The following PCDHGA1 variants were observed in gnomAD, a reference collection of about 807,000 sequenced individuals.
The protein encoded by PCDHGA1 is protocadherin gamma-A1.
A neutral mutation model predicts 58.0 loss-of-function variants in PCDHGA1; 32 were observed. The ratio of observed to expected loss-of-function variants is 0.55; its 90% CI spans 0.42 to 0.74. The LOEUF is 0.74. Ranked by LOEUF, PCDHGA1 falls within the 30% of genes least tolerant of loss-of-function variation. The probability of loss-of-function intolerance (pLI) is 0.00; values close to 1 mark genes in which losing one functional copy is unlikely to be tolerated. For missense variants in PCDHGA1, 1,205 were observed against 1,182.3 expected (o/e 1.02, Z -0.28); for synonymous variants, 498 against 501.1 (o/e 0.99, Z 0.08).
chr5:141,478,179 A>C, intron 1 of PCDHGA1: 1 of 1,613,996 alleles, frequency 6.2e-7, no homozygotes, highest in Non-Finnish European at 8.5e-7. Context: ...GAGCAGAAAA[A>C]AAATCTCACC....
intron 1 of PCDHGA1, among the ~76,000 whole-genome samples, chr5:141,481,668 A>G (rs1051166504): frequency 6.6e-6 from 1 of 152,090 alleles, no homozygotes; most frequent in Admixed American, 6.6e-5. Flanking sequence ...TAATACAAAA[A>G]TCAGGCCGGG....
chr5:141,336,018 A>G (rs1383728313), intron 1 of PCDHGA1, among the ~76,000 whole-genome samples: 2 of 152,236 alleles, frequency 1.3e-5, no homozygotes, highest in Non-Finnish European at 2.9e-5. Context: ...TTTAAAATAC[A>G]TGAATTTAGC....
At position 141,363,034 on chromosome 5, in the gene PCDHGA1, A is replaced by T. The variant is rs1762782534; in HGVS notation, c.2421+29929A>T. On this transcript the variant is annotated intron_variant, in intron 1 of 3. Coordinates refer to ENST00000517417, the MANE Select transcript of PCDHGA1 (RefSeq NM_018912.3). ...GCATGGGTAGGACATTGTCCCATTG[A>T]CTTGAAGACCAACACTCAGTAAGCT... Among the ~76,000 whole-genome samples, 3 of 152,256 alleles carry T rather than the reference A, an allele frequency of 2.0e-5. No individual in the cohort carries two copies. In the South Asian group the frequency reaches 6.2e-4, roughly 31 times the overall value.
intron 3 of PCDHGA1, among the ~76,000 whole-genome samples, chr5:141,510,369 C>G (rs1403924479): frequency 7.1e-6 from 1 of 140,308 alleles, no homozygotes; most frequent in Non-Finnish European, 1.6e-5. Context: ...TACCGAATCT[C>G]TACTCGTGCC....
intron 1 of PCDHGA1, chr5:141,479,537 T>C (rs1299169562): frequency 6.6e-6 from 1 of 152,230 alleles, no homozygotes; most frequent in Non-Finnish European, 1.5e-5. Context: ...GTGGAGAAGG[T>C]CAAAACTGCT....
At chr5:141,423,318 G>T (rs1165459779) in intron 1 of PCDHGA1, 17 of 1,614,006 alleles carry the variant, frequency 1.1e-5, no homozygotes, top group South Asian at 8.8e-5. Context: ...TGGTGGTGGC[G>T]GTGGCCGCAG....
intron 1 of PCDHGA1, chr5:141,346,009 C>G: frequency 6.2e-7 from 1 of 1,613,514 alleles, no homozygotes; most frequent in Non-Finnish European, 8.5e-7. Context: ...GCCACTGTCA[C>G]GCTCACCGTG....
At position 141,508,909 on chromosome 5, in the gene PCDHGA1, G is replaced by A. The variant is rs545345992; in HGVS notation, c.2570-2038G>A. ...GAGGGGAGGGGGCGGGGCGGTGGCG[G>A]ATCTGGCTTCCTTTTGGAGTTAATT... is the stretch of plus-strand genomic sequence containing the variant. On this transcript the variant is annotated intron_variant, in intron 3 of 3. Coordinates refer to ENST00000517417, the MANE Select transcript of PCDHGA1 (RefSeq NM_018912.3). 2.0e-5 allele frequency among the ~76,000 whole-genome samples: 3 copies of A among 152,202 alleles called. No homozygotes were observed. The South Asian group carries it at 6.2e-4, about 32-fold the overall frequency.
intron 1 of PCDHGA1, chr5:141,365,864 G>C (rs753111294): frequency 2.0e-5 from 32 of 1,613,886 alleles, no homozygotes; most frequent in Non-Finnish European, 8.5e-7. Context: ...CTCTGACACC[G>C]GTGTCCTGTA....
At chr5:141,419,432 C>A (rs2096381830) in intron 1 of PCDHGA1, 1 of 1,613,160 alleles carries the variant, frequency 6.2e-7, no homozygotes, top group Non-Finnish European at 8.5e-7. Flanking sequence ...CCACGAGCAG[C>A]TGCGCACCTT....
At chr5:141,366,709 G>C in intron 1 of PCDHGA1, 4 of 1,614,228 alleles carry the variant, frequency 2.5e-6, no homozygotes, top group Non-Finnish European at 2.5e-6. Flanking sequence ...CTCTTCTGAT[G>C]TCTGATAAGG....
intron 1 of PCDHGA1, chr5:141,395,133 A>G (rs760451747): frequency 1.2e-6 from 2 of 1,614,192 alleles, no homozygotes; most frequent in Non-Finnish European, 8.5e-7. Context: ...TCCCCAGCCC[A>G]ACTACGCAGA....
intron 2 of PCDHGA1, among the ~76,000 whole-genome samples, chr5:141,497,614 A>C (rs1377740795): frequency 6.8e-6 from 1 of 146,530 alleles, no homozygotes; most frequent in African/African-American, 2.6e-5. Context: ...ATCTTGGCTC[A>C]CTGCAACCTC....
At chr5:141,404,816 C>A in intron 1 of PCDHGA1, 1 of 1,610,374 alleles carries the variant, frequency 6.2e-7, no homozygotes, top group Non-Finnish European at 8.5e-7. Flanking sequence ...GGTGGGGCTG[C>A]ACACAGGTGA....
Position 141,432,155 on chromosome 5 carries a change from C to T in PCDHGA1, c.2422-62652C>T, listed in dbSNP as rs368480052. 3.8e-5 allele frequency: 62 copies of T among 1,614,178 alleles called. No individual in the cohort carries two copies. In the African/African-American group the frequency reaches 7.1e-4, roughly 18 times the overall value. On this transcript the variant is annotated intron_variant, in intron 1 of 3. Coordinates refer to ENST00000517417, the MANE Select transcript of PCDHGA1 (RefSeq NM_018912.3). This position sits in a 1 kb window ranked among gnomAD's most constrained non-coding sequence, Gnocchi z 6.0. ...TTCCGCTTATATCCCAGAGAACAATCCCAGAGGAGTTTCCCTCGTCTCTGT... is the reference window on the plus strand; with the variant it reads ...TTCCGCTTATATCCCAGAGAACAATTCCAGAGGAGTTTCCCTCGTCTCTGT...
At position 141,346,608 on chromosome 5, in the gene PCDHGA1, A is replaced by G. The variant is rs1337557506; in HGVS notation, c.2421+13503A>G. The G allele has an allele frequency of 2.6e-5, 31 of 1,176,330 alleles. No individual in the cohort carries two copies. The East Asian group carries it at 7.7e-4, about 29-fold the overall frequency. The allele number at this position is 1,176,330 out of a possible 1,614,324, so 72.9% of individuals were successfully genotyped here. ...TGTCCCCCTTTCTTTCTGGGCCTAT[A>G]GTAGGACTGCACTCCCCGGTCTGGT... is the stretch of plus-strand genomic sequence containing the variant. On this transcript the variant is annotated intron_variant, in intron 1 of 3. Coordinates refer to ENST00000517417, the MANE Select transcript of PCDHGA1 (RefSeq NM_018912.3).
At chr5:141,367,311 G>C (rs1390904308) in intron 1 of PCDHGA1, 1 of 152,666 alleles carries the variant, frequency 6.6e-6, no homozygotes. Flanking sequence ...GGCTGAGGTG[G>C]GCGGATCACG....
chr5:141,365,265 C>A lies in PCDHGA1; in HGVS notation c.2421+32160C>A, dbSNP rs759196627. ...CTACAATCACTGGACTATGAAGAAT[C>A]CAGATTCTACCTCATGGAAGTGGTA... is the stretch of plus-strand genomic sequence containing the variant. On this transcript the variant is annotated intron_variant, in intron 1 of 3. Transcript: ENST00000517417. 53 of 1,613,846 alleles carry A rather than the reference C, an allele frequency of 3.3e-5. 1 individual carries two copies. The South Asian group carries it at 5.4e-4, about 16-fold the overall frequency.
At chr5:141,344,493 A>G (rs11575948) in intron 1 of PCDHGA1, 4 of 1,613,858 alleles carry the variant, frequency 2.5e-6, no homozygotes, top group South Asian at 2.2e-5. Context: ...CCGATTTCCA[A>G]TTAAAACTGC....
Sources: gnomAD v4.1 joint callset for allele counts (sites outside exome capture counted in the v4.1 genomes callset) on GRCh38, gnomAD v4.1.1 for gene constraint, Gnocchi (gnomAD v3.1) non-coding constraint, MANE v1.5 for transcripts, NCBI Gene and HGNC (gene_info 2026-07-23, HGNC 2026-07-21) for gene names.